Variants in CUX1 observed in about 807,000 individuals in gnomAD.
The protein encoded by CUX1 is protein CASP.
CUX1 carries 31 observed loss-of-function variants against 158.8 expected under a neutral mutation model. The observed-to-expected ratio is 0.20, with a 90% CI of 0.15 to 0.26. The LOEUF (loss-of-function observed/expected upper bound fraction) is 0.26, where lower values mean the gene tolerates loss of function less well. CUX1 is among the 10% of genes least tolerant of loss of function. CUX1 has a pLI of 1.00. For missense variants in CUX1, 1,589 were observed against 2,014.6 expected, an observed-to-expected ratio of 0.79 and a Z score of 4.04; for synonymous variants, 879 against 862.1, an observed-to-expected ratio of 1.02 and a Z score of -0.34.
chr7:102,214,157 T>A (rs1391719971), intron 20 of CUX1, among the ~76,000 whole-genome samples: 1 of 151,864 alleles, frequency 6.6e-6, no homozygotes, highest in Non-Finnish European at 1.5e-5. Flanking sequence ...TAATAATAAG[T>A]GGAAATGGTT....
At chr7:102,100,810 A>G (rs75308518) in intron 5 of CUX1, among the ~76,000 whole-genome samples, 1 of 24,174 alleles carries the variant, frequency 4.1e-5, no homozygotes, top group Non-Finnish European at 9.3e-5. Context: ...TTAAAAAAAG[A>G]AAAAAAAAAA....
rs61358188 is a variant in CUX1, at chr7:102,216,687, C to CCACA, written c.3131-10674_3131-10671dup. ...CACACACTCACACACACACACTCCCCCACACACACTCCCACACGCACTCTC... is the reference window on the plus strand; with the variant it reads ...CACACACTCACACACACACACTCCCCCACACACACACACTCCCACACGCACTCTC... On this transcript the variant is annotated intron_variant, in intron 20 of 23. Coordinates refer to ENST00000292535, the MANE Select transcript of CUX1 (RefSeq NM_181552.4). 9.0e-4 allele frequency among the ~76,000 whole-genome samples: 103 copies of CCACA among 113,816 alleles called. 1 individual carries two copies. The highest frequency in any genetic ancestry group is 2.8e-3 in the African/African-American group (75 of 26,376). 74.7% of individuals were successfully genotyped at this position (113,816 alleles called of 152,430 possible).
chr7:102,107,082 G>T (rs972413391), intron 6 of CUX1, among the ~76,000 whole-genome samples: 1 of 151,944 alleles, frequency 6.6e-6, no homozygotes. Context: ...ATGAATGTAT[G>T]AATGCGCCAT....
intron 9 of CUX1, among the ~76,000 whole-genome samples, chr7:102,164,560 T>C (rs1481156630): frequency 1.3e-5 from 2 of 152,292 alleles, no homozygotes; most frequent in East Asian, 1.9e-4. Context: ...GGTTAGGGGT[T>C]GGAAACCACA....
At chr7:101,936,235 T>TGGGAGGA (rs760308179) in intron 2 of CUX1, among the ~76,000 whole-genome samples, 31 of 65,094 alleles carry the variant, frequency 4.8e-4, no homozygotes, top group Admixed American at 2.6e-3. Context: ...CTGAGAAGGA[T>TGGGAGGA]GGGAGGAGGG....
At chr7:102,138,042 G>A (rs1169516759) in intron 8 of CUX1, among the ~76,000 whole-genome samples, 1 of 151,912 alleles carries the variant, frequency 6.6e-6, no homozygotes, top group Non-Finnish European at 1.5e-5. Context: ...AAAATTAGCT[G>A]GGCATGGTGG....
chr7:102,100,799 CTT>C (rs1462271230), intron 5 of CUX1, among the ~76,000 whole-genome samples: 7 of 99,912 alleles, frequency 7.0e-5, no homozygotes, highest in South Asian at 5.8e-4. Context: ...AGACCTATCT[CTT>C]AAAAAAAGAA....
intron 2 of CUX1, among the ~76,000 whole-genome samples, chr7:101,971,703 G>A (rs1384978264): frequency 6.6e-6 from 1 of 152,168 alleles, no homozygotes; most frequent in Non-Finnish European, 1.5e-5. Context: ...GGAAAGCACA[G>A]CTCCTCTGGT....
intron 4 of CUX1, among the ~76,000 whole-genome samples, chr7:102,092,646 T>C (rs1828693842): frequency 6.6e-6 from 1 of 152,128 alleles, no homozygotes; most frequent in East Asian, 1.9e-4. Context: ...GTGTGGTGGC[T>C]CATGCCTGTA....
At chr7:102,275,313 C>G in exon 17 of CUX1, 1 of 1,613,084 alleles carries the variant, frequency 6.2e-7, no homozygotes, top group South Asian at 1.1e-5. Context: ...TCCATCATCT[C>G]CAGCCAGAGG....
At chr7:102,126,260 A>G (rs1001023814) in intron 8 of CUX1, among the ~76,000 whole-genome samples, 13 of 150,208 alleles carry the variant, frequency 8.7e-5, no homozygotes, top group Non-Finnish European at 1.6e-4. Context: ...GCTGGTCTTG[A>G]ACTCCTGGTC....
At chr7:102,237,510 A>G (rs1190227167) in intron 22 of CUX1, among the ~76,000 whole-genome samples, 4 of 152,012 alleles carry the variant, frequency 2.6e-5, no homozygotes, top group Non-Finnish European at 4.4e-5. Flanking sequence ...TCAAACTCCT[A>G]GGCTCGAGCA....
chr7:101,872,383 C>T (rs891405748), intron 1 of CUX1, among the ~76,000 whole-genome samples: 2 of 152,076 alleles, frequency 1.3e-5, no homozygotes, highest in African/African-American at 4.8e-5. Context: ...ATCCACCCAC[C>T]TTGGCCTCCC....
intron 14 of CUX1, among the ~76,000 whole-genome samples, chr7:102,268,345 C>T (rs1554545501): frequency 6.6e-6 from 1 of 152,202 alleles, no homozygotes; most frequent in African/African-American, 2.4e-5. Context: ...GCCCCCACCA[C>T]CTCGACGACA....
At chr7:101,881,262 A>G (rs1402932049) in intron 1 of CUX1, among the ~76,000 whole-genome samples, 1 of 152,214 alleles carries the variant, frequency 6.6e-6, no homozygotes, top group Non-Finnish European at 1.5e-5. Context: ...ACAAGCACTA[A>G]TTGCCCTGTA....
At chr7:101,883,014 T>A (rs532927171) in intron 1 of CUX1, among the ~76,000 whole-genome samples, 5 of 152,202 alleles carry the variant, frequency 3.3e-5, no homozygotes, top group South Asian at 2.1e-4. Context: ...GCATTTGATT[T>A]ATGTATAGCC....
chr7:101,915,900 C>T (rs1028326269), intron 1 of CUX1, among the ~76,000 whole-genome samples: 6 of 152,126 alleles, frequency 3.9e-5, no homozygotes, highest in African/African-American at 1.4e-4. Flanking sequence ...GCTTGGTTTT[C>T]TCAACCACTT....
At chr7:102,151,324 G>A (rs1364196379) in intron 8 of CUX1, among the ~76,000 whole-genome samples, 5 of 152,040 alleles carry the variant, frequency 3.3e-5, no homozygotes, top group African/African-American at 7.2e-5. Flanking sequence ...AGGCCGAGGC[G>A]GGTGGATCAC....
At chr7:102,212,746 G>C (rs552177682) in intron 20 of CUX1, among the ~76,000 whole-genome samples, 5 of 147,122 alleles carry the variant, frequency 3.4e-5, no homozygotes, top group African/African-American at 1.0e-4. Flanking sequence ...CCACGCAGAT[G>C]GGGGGCGTGC....
Sources: allele counts gnomAD v4.1 joint callset (sites outside exome capture counted in the v4.1 genomes callset), GRCh38; gene constraint gnomAD v4.1.1; transcripts MANE v1.5; gene names NCBI Gene and HGNC (gene_info 2026-07-23, HGNC 2026-07-21).